Variants in EEFSEC observed in about 807,000 individuals in gnomAD.
EEFSEC encodes selenocysteine-specific elongation factor.
Under a neutral mutation model 42.1 loss-of-function variants are expected in EEFSEC, and 43 were observed. That is an observed-to-expected ratio of 1.02 (90% CI 0.80 to 1.32). The LOEUF (loss-of-function observed/expected upper bound fraction) is 1.32. Ranked by LOEUF, EEFSEC falls within the 40% of genes most tolerant of loss-of-function variation. The pLI, the probability that EEFSEC is intolerant of heterozygous loss-of-function variation, is 0.00. For missense variants in EEFSEC, 745 were observed against 803.6 expected, an observed-to-expected ratio of 0.93 and a Z score of 0.88; for synonymous variants, 354 against 339.1, an observed-to-expected ratio of 1.04 and a Z score of -0.48.
intron 4 of EEFSEC, among the ~76,000 whole-genome samples, chr3:128,333,073 G>A (rs1388211403): frequency 3.3e-5 from 5 of 152,046 alleles, no homozygotes; most frequent in Non-Finnish European, 7.4e-5. Flanking sequence ...TTTCCTCTCC[G>A]ATTTACATTT....
intron 6 of EEFSEC, among the ~76,000 whole-genome samples, chr3:128,392,796 G>T (rs1322284537): frequency 6.6e-6 from 1 of 152,216 alleles, no homozygotes; most frequent in African/African-American, 2.4e-5. Flanking sequence ...GCACACACAG[G>T]CTGCTCGGGT....
intron 1 of EEFSEC, among the ~76,000 whole-genome samples, chr3:128,189,665 C>T (rs572435140): frequency 6.6e-6 from 1 of 152,000 alleles, no homozygotes; most frequent in East Asian, 1.9e-4. Context: ...TCAAGCGATC[C>T]TCCCACCTCA....
In EEFSEC at chr3:128,358,267, C is replaced by T. The variant is rs752526772; in HGVS notation, c.1494C>T (p.Thr498=). ...VIGRSLFKKE[T]NIQLFVGLKV... ...GCCGCTCCCTGTTCAAAAAGGAAAC[C>T]AACATCCAGCTCTTCGTGGGGCTCA... Residue 498 remains threonine, a synonymous_variant, in exon 6 of 7, where the codon ACC becomes ACT. Coordinates refer to ENST00000254730, the MANE Select transcript of EEFSEC (RefSeq NM_021937.5). 45 of 1,614,082 alleles carry T rather than the reference C, an allele frequency of 2.8e-5. No homozygotes were observed. Among genetic ancestry groups the T allele is most frequent in the East Asian group, 2.2e-5 (1 of 44,898 alleles).
rs920663077 is a variant in EEFSEC, at chr3:128,394,064, G to A, written c.1601-14005G>A. On this transcript the variant is annotated intron_variant, in intron 6 of 6. Coordinates refer to ENST00000254730, the MANE Select transcript of EEFSEC (RefSeq NM_021937.5). Reference sequence around the variant, plus strand: ...CCATGGGCATACCTGCCTCCCCTGGGCCTTGCAGCCACAGGCCACCTCTGG... The same window carrying A: ...CCATGGGCATACCTGCCTCCCCTGGACCTTGCAGCCACAGGCCACCTCTGG... Among the ~76,000 whole-genome samples, 40 of 152,294 alleles carry A rather than the reference G, an allele frequency of 2.6e-4. No individual in the cohort carries two copies. In the East Asian group the frequency reaches 7.3e-3, roughly 28 times the overall value.
intron 6 of EEFSEC, among the ~76,000 whole-genome samples, chr3:128,362,503 A>G (rs1232593688): frequency 1.3e-5 from 2 of 152,250 alleles, no homozygotes; most frequent in East Asian, 3.8e-4. Context: ...AGATGTGGCA[A>G]GCTTTTTGAA....
intron 1 of EEFSEC, among the ~76,000 whole-genome samples, chr3:128,235,519 GC>G (rs1306799045): frequency 1.3e-5 from 2 of 152,140 alleles, no homozygotes; most frequent in Admixed American, 1.3e-4. Flanking sequence ...GAAGCAAATT[GC>G]TATAACCATT....
intron 1 of EEFSEC, among the ~76,000 whole-genome samples, chr3:128,226,495 C>G (rs946651465): frequency 2.0e-5 from 3 of 152,186 alleles, no homozygotes; most frequent in African/African-American, 7.2e-5. Flanking sequence ...AGTGCATGCT[C>G]AGCATCCTCC....
chr3:128,280,648 C>A (rs1485074572), intron 4 of EEFSEC, among the ~76,000 whole-genome samples: 1 of 152,234 alleles, frequency 6.6e-6, no homozygotes, highest in Non-Finnish European at 1.5e-5. Flanking sequence ...TTGGCATTTG[C>A]CCTCCACATG....
rs1276373244 is a variant in EEFSEC at position 128,341,429 on chromosome 3, C to T, written c.983C>T (p.Pro328Leu). The T allele has an allele frequency of 1.2e-5, 19 of 1,614,042 alleles. No homozygotes were observed. The highest frequency in any genetic ancestry group is 1.5e-5 in the Non-Finnish European group (18 of 1,180,044). Reference protein sequence around the residue: ...SVEKIPYFRGPLQTKAKFHIT... With the variant: ...SVEKIPYFRGLLQTKAKFHIT... ...GAAAAGATACCGTATTTCCGGGGGC[C>T]CCTGCAAACCAAGGCCAAGTTCCAC... Residue 328 changes from proline (P) to leucine (L), a missense_variant, in exon 5 of 7, where the codon CCC becomes CTC. By Grantham distance (98) the Pro-to-Leu change is moderately conservative. Transcript: ENST00000254730.
chr3:128,370,942 C>G (rs973321641), intron 6 of EEFSEC, among the ~76,000 whole-genome samples: 1 of 152,124 alleles, frequency 6.6e-6, no homozygotes, highest in Non-Finnish European at 1.5e-5. Context: ...GTGTTCAGGA[C>G]AGAAGGAACA....
intron 4 of EEFSEC, among the ~76,000 whole-genome samples, chr3:128,304,691 C>T (rs983713906): frequency 2.6e-5 from 4 of 151,182 alleles, no homozygotes; most frequent in Admixed American, 6.6e-5. Context: ...GGCATCTTTT[C>T]GTTGTTTGTA....
At chr3:128,286,606 T>C (rs1472806017) in intron 4 of EEFSEC, among the ~76,000 whole-genome samples, 1 of 152,214 alleles carries the variant, frequency 6.6e-6, no homozygotes, top group African/African-American at 2.4e-5. Flanking sequence ...ATCCTTTTGT[T>C]TTCTGAGCAC....
intron 1 of EEFSEC, among the ~76,000 whole-genome samples, chr3:128,226,531 C>T (rs1173966774): frequency 6.6e-6 from 1 of 152,194 alleles, no homozygotes; most frequent in Non-Finnish European, 1.5e-5. Flanking sequence ...CTGGGGCTTC[C>T]GTAGCCCCCT....
intron 4 of EEFSEC, among the ~76,000 whole-genome samples, chr3:128,329,489 G>A (rs184852484): frequency 1.2e-3 from 186 of 152,174 alleles, no homozygotes; most frequent in Middle Eastern, 6.8e-3. Flanking sequence ...AGCAAGTATC[G>A]GAGATAAAGT....
intron 6 of EEFSEC, among the ~76,000 whole-genome samples, chr3:128,363,026 G>A (rs956956899): frequency 3.3e-5 from 5 of 152,180 alleles, no homozygotes; most frequent in African/African-American, 1.2e-4. Context: ...GACCCCAGAA[G>A]GAGCTTCTAT....
chr3:128,321,564 G>A (rs1236686460), intron 4 of EEFSEC, among the ~76,000 whole-genome samples: 1 of 152,152 alleles, frequency 6.6e-6, no homozygotes, highest in African/African-American at 2.4e-5. Flanking sequence ...ACAGGCTGGA[G>A]GGGCCCCTGC....
chr3:128,241,920 A>G (rs554935649), intron 1 of EEFSEC, among the ~76,000 whole-genome samples: 33 of 152,342 alleles, frequency 2.2e-4, no homozygotes, highest in Admixed American at 1.9e-3. Context: ...TATTTGGCAA[A>G]TGGTCATAAT....
At chr3:128,419,122 C>T in the EEFSEC span, among the ~76,000 whole-genome samples, 1 of 152,196 alleles carries the variant, frequency 6.6e-6, no homozygotes, top group Non-Finnish European at 1.5e-5. Context: ...GGACTTCACA[C>T]AACAACTCTG....
At chr3:128,355,400 G>A (rs894544280) in intron 5 of EEFSEC, among the ~76,000 whole-genome samples, 2 of 151,970 alleles carry the variant, frequency 1.3e-5, no homozygotes, top group Non-Finnish European at 2.9e-5. Context: ...TGCACAAGCT[G>A]GGACTAGCAT....
Sources: allele counts gnomAD v4.1 joint callset (sites outside exome capture counted in the v4.1 genomes callset), GRCh38; gene constraint gnomAD v4.1.1; transcripts MANE v1.5; gene names NCBI Gene and HGNC (gene_info 2026-07-23, HGNC 2026-07-21).